MYT1L: variants seen among roughly 807,000 people sequenced by gnomAD.
The protein encoded by MYT1L is myelin transcription factor 1-like protein.
MYT1L carries 12 observed loss-of-function variants against 126.7 expected under a neutral mutation model. That is an observed-to-expected ratio of 0.09 (90% CI 0.06 to 0.15). The LOEUF is 0.15. Ranked by LOEUF, MYT1L falls within the 10% of genes least tolerant of loss-of-function variation. The probability of loss-of-function intolerance (pLI) is 1.00; values close to 1 mark genes in which losing one functional copy is unlikely to be tolerated. For synonymous variants in MYT1L, 541 were observed against 604.2 expected (o/e 0.90, Z 1.53); for missense variants, 979 against 1,585.2 (o/e 0.62, Z 6.49).
chr2:2,266,725 T>C (rs904029518), intron 2 of MYT1L, among the ~76,000 whole-genome samples: 1 of 152,160 alleles, frequency 6.6e-6, no homozygotes, highest in African/African-American at 2.4e-5. Context: ...TGAGAGATAA[T>C]TGAAACATGG....
intron 3 of MYT1L, among the ~76,000 whole-genome samples, chr2:2,094,826 A>G (rs2077266745): frequency 6.6e-6 from 1 of 152,146 alleles, no homozygotes; most frequent in Admixed American, 6.6e-5. Context: ...ATTGTAAATG[A>G]TGAGTTAATG....
At chr2:1,884,876 G>C (rs1051845106) in intron 18 of MYT1L, among the ~76,000 whole-genome samples, 2 of 152,200 alleles carry the variant, frequency 1.3e-5, no homozygotes, top group Non-Finnish European at 2.9e-5. Context: ...GCTAAAGGTG[G>C]GGACCGTCAC....
chr2:2,138,125 CA>C (rs1216225087), intron 3 of MYT1L, among the ~76,000 whole-genome samples: 1 of 152,188 alleles, frequency 6.6e-6, no homozygotes, highest in African/African-American at 2.4e-5. Context: ...AAATGCAAAT[CA>C]AAACCACAAT....
At position 2,104,791 on chromosome 2, in the gene MYT1L, TG is replaced by T. The variant is rs568430371; in HGVS notation, c.-303-50669del. Reference sequence around the variant, plus strand: ...ACTGGGGGACTCTGAGGGTTCTGCATGGTTGGGGGAGGGCAGGAGGGAAGTT... The same window carrying T: ...ACTGGGGGACTCTGAGGGTTCTGCATGTTGGGGGAGGGCAGGAGGGAAGTT... On this transcript the variant is annotated intron_variant, in intron 3 of 24. Coordinates refer to ENST00000647738, the MANE Select transcript of MYT1L (RefSeq NM_001303052.2). Among the ~76,000 whole-genome samples the T allele has an allele frequency of 7.9e-5, 12 of 152,266 alleles. No individual in the cohort carries two copies. In the South Asian group the frequency reaches 2.5e-3, roughly 32 times the overall value.
At chr2:2,105,425 C>T (rs760372013) in intron 3 of MYT1L, among the ~76,000 whole-genome samples, 5 of 152,058 alleles carry the variant, frequency 3.3e-5, no homozygotes, top group Non-Finnish European at 7.4e-5. Context: ...ATCTGTTGCC[C>T]CCTCTTTTAT....
At chr2:2,239,718 G>T (rs1010103081) in intron 2 of MYT1L, among the ~76,000 whole-genome samples, 4 of 152,124 alleles carry the variant, frequency 2.6e-5, no homozygotes, top group Non-Finnish European at 5.9e-5. Flanking sequence ...GGCTGGTTTG[G>T]CTCTCCAAAC....
chr2:2,148,538 G>C (rs755333266), intron 3 of MYT1L, among the ~76,000 whole-genome samples: 1 of 152,138 alleles, frequency 6.6e-6, no homozygotes, highest in Non-Finnish European at 1.5e-5. Flanking sequence ...TGGCATAAAG[G>C]AAAGAGATGA....
chr2:1,929,517 C>G lies in MYT1L; in HGVS notation c.506-6254G>C, dbSNP rs187605093. Reference sequence around the variant, plus strand: ...GGCTCCGCTCTAGCCATCACCGTCACGCTTCCCTACTACATCTAACTCAGC... The same window carrying G: ...GGCTCCGCTCTAGCCATCACCGTCAGGCTTCCCTACTACATCTAACTCAGC... On this transcript the variant is annotated intron_variant, in intron 9 of 24. Transcript: ENST00000647738. The surrounding 1 kb of genome is among the most constrained non-coding windows in gnomAD (Gnocchi z 4.7). Among the ~76,000 whole-genome samples the G allele has an allele frequency of 6.6e-6, 1 of 152,206 alleles. No homozygotes were observed. The highest frequency in any genetic ancestry group is 1.5e-5 in the Non-Finnish European group (1 of 68,034).
chr2:2,039,395 C>A (rs537234557), intron 4 of MYT1L, among the ~76,000 whole-genome samples: 1 of 149,974 alleles, frequency 6.7e-6, no homozygotes, highest in African/African-American at 2.5e-5. Context: ...AGAATGAGAC[C>A]CACTTTCAAA....
chr2:2,292,573 C>A (rs1329959931), intron 1 of MYT1L, among the ~76,000 whole-genome samples: 1 of 152,142 alleles, frequency 6.6e-6, no homozygotes, highest in Non-Finnish European at 1.5e-5. Context: ...CCTCCCATCC[C>A]TGTTGGGGCT....
At chr2:2,044,886 G>A (rs191671247) in intron 4 of MYT1L, among the ~76,000 whole-genome samples, 334 of 152,296 alleles carry the variant, frequency 2.2e-3, no homozygotes, top group Middle Eastern at 6.8e-3. Context: ...TGAACAGAAT[G>A]ACATTCACAG....
intron 4 of MYT1L, among the ~76,000 whole-genome samples, chr2:2,051,616 G>A (rs2068837345): frequency 1.3e-5 from 2 of 152,150 alleles, no homozygotes; most frequent in African/African-American, 4.8e-5. Flanking sequence ...AGAGAATTAA[G>A]CCTTAAAAAC....
At chr2:2,095,649 G>C (rs544807870) in intron 3 of MYT1L, among the ~76,000 whole-genome samples, 1 of 152,124 alleles carries the variant, frequency 6.6e-6, no homozygotes, top group Non-Finnish European at 1.5e-5. Context: ...CCATCTGTGA[G>C]TGTCTGCCTG....
chr2:1,954,578 C>T (rs571573370), intron 8 of MYT1L, among the ~76,000 whole-genome samples: 8 of 152,066 alleles, frequency 5.3e-5, no homozygotes, highest in African/African-American at 1.9e-4. Flanking sequence ...GTGCTGTGTT[C>T]ACAGCAACCA....
At chr2:1,988,184 C>A (rs1020870148) in intron 5 of MYT1L, among the ~76,000 whole-genome samples, 2 of 151,982 alleles carry the variant, frequency 1.3e-5, no homozygotes, top group African/African-American at 4.8e-5. Context: ...CCCAGCTGCA[C>A]CTACAGGGTG....
intron 2 of MYT1L, among the ~76,000 whole-genome samples, chr2:2,230,499 T>C (rs1475401275): frequency 6.6e-6 from 1 of 152,238 alleles, no homozygotes; most frequent in African/African-American, 2.4e-5. Context: ...GTTCGGTGAC[T>C]ATTATGGGTC....
Position 1,801,764 on chromosome 2 carries a change from C to T in MYT1L, c.3208G>A (p.Glu1070Lys). 1 of 1,610,916 alleles carries T rather than the reference C, an allele frequency of 6.2e-7. No homozygotes were observed. Among genetic ancestry groups the T allele is most frequent in the Non-Finnish European group, 8.5e-7 (1 of 1,177,836 alleles). The part of the protein sequence containing the change: ...ENDEEIKQLD[E>K]EIKELNESNS... ...GATTCATTTAGCTCCTTGATTTCTT[C>T]ATCTAACTGTTTGATTTCTTCATCA... is the stretch of plus-strand genomic sequence containing the variant. Residue 1070 changes from glutamate (E) to lysine (K), a missense_variant, in exon 23 of 25, where the codon GAA (glutamate) becomes AAA (lysine). By Grantham distance (56) the Glu-to-Lys change is moderately conservative. Around this residue, in one of 12 missense-constraint regions of MYT1L, gnomAD observed 179 missense variants for 398.6 expected, o/e 0.45. Transcript: ENST00000647738. This position sits in a 1 kb window ranked among gnomAD's most constrained non-coding sequence, Gnocchi z 4.2.
intron 4 of MYT1L, among the ~76,000 whole-genome samples, chr2:2,004,158 T>C (rs1335717856): frequency 7.4e-4 from 93 of 125,272 alleles, no homozygotes; most frequent in Middle Eastern, 4.7e-3. Context: ...TTCTTTCCTG[T>C]GTGCCTTCTT....
At chr2:2,046,879 T>C (rs2068251084) in intron 4 of MYT1L, among the ~76,000 whole-genome samples, 1 of 152,182 alleles carries the variant, frequency 6.6e-6, no homozygotes, top group South Asian at 2.1e-4. Context: ...CTGTCTACTG[T>C]CCACTGAGAG....
Sources: gnomAD v4.1 joint callset for allele counts (sites outside exome capture counted in the v4.1 genomes callset) on GRCh38, gnomAD v4.1.1 for gene constraint, gnomAD v4.1.1 regional missense constraint, Gnocchi (gnomAD v3.1) non-coding constraint, MANE v1.5 for transcripts, NCBI Gene and HGNC (gene_info 2026-07-23, HGNC 2026-07-21) for gene names.